The following ARHGAP26 variants were observed in gnomAD, a reference collection of about 807,000 sequenced individuals.
ARHGAP26 encodes Rho GTPase activating protein 26.
A neutral mutation model predicts 104.8 loss-of-function variants in ARHGAP26; 38 were observed. The observed-to-expected ratio is 0.36, with a 90% confidence interval of 0.28 to 0.48. The LOEUF (loss-of-function observed/expected upper bound fraction) is 0.48. ARHGAP26 is among the 20% of genes least tolerant of loss of function. The probability of loss-of-function intolerance (pLI) is 0.99; values close to 1 mark genes in which losing one functional copy is unlikely to be tolerated. For synonymous variants in ARHGAP26, 341 were observed against 340.0 expected, an observed-to-expected ratio of 1.00 and a Z score of -0.03; for missense variants, 704 against 947.9, an observed-to-expected ratio of 0.74 and a Z score of 3.38.
At chr5:143,006,106 G>A (rs76249035) in intron 11 of ARHGAP26, among the ~76,000 whole-genome samples, 2,685 of 152,278 alleles carry the variant, frequency 0.018, 39 homozygotes, top group Non-Finnish European at 0.025. Context: ...ATAGCCTTGA[G>A]TTAAGCCAAA....
intron 11 of ARHGAP26, among the ~76,000 whole-genome samples, chr5:142,999,672 C>T (rs1349061484): frequency 6.6e-6 from 1 of 151,874 alleles, no homozygotes; most frequent in African/African-American, 2.4e-5. Context: ...ACTATAAAGC[C>T]TTCAGAAGAA....
At chr5:142,951,989 T>C (rs1216727673) in intron 11 of ARHGAP26, among the ~76,000 whole-genome samples, 1 of 152,246 alleles carries the variant, frequency 6.6e-6, no homozygotes, top group Non-Finnish European at 1.5e-5. Context: ...TTCCAGTTTC[T>C]GGTTGCTCCA....
intron 20 of ARHGAP26, among the ~76,000 whole-genome samples, chr5:143,168,202 A>AT (rs1802272861): frequency 6.6e-6 from 1 of 152,156 alleles, no homozygotes; most frequent in African/African-American, 2.4e-5. Flanking sequence ...CTTTGAACAT[A>AT]TGCTTCTCAT....
At chr5:143,218,587 G>C (rs144507711) in intron 22 of ARHGAP26, among the ~76,000 whole-genome samples, 123 of 152,326 alleles carry the variant, frequency 8.1e-4, no homozygotes, top group African/African-American at 2.9e-3. Flanking sequence ...TGTACACAGG[G>C]ATGTATGGTG....
rs543228303 is a variant in ARHGAP26 at position 142,770,715 on chromosome 5, C to T, written c.-47C>T. 1.2e-3 allele frequency: 1,344 copies of T among 1,143,764 alleles called. 1 individual carries two copies. Among genetic ancestry groups the T allele is most frequent in the Non-Finnish European group, 1.3e-3 (1,178 of 926,664 alleles). The allele number at this position is 1,143,764 out of a possible 1,614,324, so 70.9% of individuals were successfully genotyped here. A position where few individuals can be genotyped will look rare whatever the true frequency, so the allele number is the denominator to read the frequency against. ...GTGAGTGCTCTGGGCGGCGGGCGGC[C>T]CGGGCCCCGGCGGAGGCGCGCCCCC... On this transcript the variant is annotated 5_prime_UTR_variant, in exon 1 of 23. Coordinates refer to ENST00000645722, the MANE Select transcript of ARHGAP26 (RefSeq NM_001135608.3).
At chr5:142,913,425 C>T (rs1314130476) in intron 10 of ARHGAP26, 132 bp downstream of exon 10, 1 of 732,902 alleles carries the variant, frequency 1.4e-6, no homozygotes, top group Non-Finnish European at 2.3e-6. Context: ...TCTCCCCCTG[C>T]CTCCTTCCTT....
At chr5:143,151,973 C>G (rs1301318880) in intron 20 of ARHGAP26, among the ~76,000 whole-genome samples, 1 of 152,082 alleles carries the variant, frequency 6.6e-6, no homozygotes, top group African/African-American at 2.4e-5. Context: ...AGAAATCAAT[C>G]TGAGAAGACT....
chr5:143,130,734 G>A (rs1797236813), intron 18 of ARHGAP26, among the ~76,000 whole-genome samples: 1 of 152,188 alleles, frequency 6.6e-6, no homozygotes, highest in South Asian at 2.1e-4. Context: ...CAGACAGTCA[G>A]CAGGCTTTAA....
At chr5:142,926,041 G>A (rs1007406030) in intron 10 of ARHGAP26, among the ~76,000 whole-genome samples, 2 of 152,170 alleles carry the variant, frequency 1.3e-5, no homozygotes, top group Non-Finnish European at 2.9e-5. Flanking sequence ...TAAGATTAGC[G>A]TAGGAAAGCT....
rs1053789118 is a variant in ARHGAP26 at position 143,226,567 on chromosome 5, C to G, written c.*4121C>G. On this transcript the variant is annotated 3_prime_UTR_variant, in exon 23 of 23. Transcript: ENST00000645722. ...TCCCTGCCCCCAGGCAAGTAAAACC[C>G]TGACTTGCTCAAGACAGAAGATCTT... The G allele has an allele frequency of 4.9e-6, 1 of 205,310 alleles. No individual in the cohort carries two copies. The highest frequency in any genetic ancestry group is 2.3e-5 in the African/African-American group (1 of 43,600). The allele number at this position is 205,310 out of a possible 1,614,324, so 12.7% of individuals were successfully genotyped here.
chr5:143,146,472 T>C (rs1266620229), intron 19 of ARHGAP26, among the ~76,000 whole-genome samples: 1 of 152,226 alleles, frequency 6.6e-6, no homozygotes, highest in East Asian at 1.9e-4. Flanking sequence ...TGAGGCCACA[T>C]AGCCAGTCAG....
intron 1 of ARHGAP26, among the ~76,000 whole-genome samples, chr5:142,774,447 A>C (rs1033742480): frequency 1.2e-4 from 18 of 151,060 alleles, no homozygotes; most frequent in African/African-American, 4.4e-4. Context: ...TTTTAGATTC[A>C]CAGAAAAATT....
rs536455238 is a variant in ARHGAP26, at chr5:142,905,343, CT to C, written c.832+1680del. Among the ~76,000 whole-genome samples, 25 of 152,138 alleles carry C rather than the reference CT, an allele frequency of 1.6e-4. 1 individual carries two copies. The highest frequency in any genetic ancestry group is 1.4e-4 in the African/African-American group (6 of 41,424). On this transcript the variant is annotated intron_variant, in intron 8 of 22. Transcript: ENST00000645722. The stretch of plus-strand genomic sequence containing the variant: ...TAGTGTGTTGATTATCATGAGGACA[CT>C]TTTTTGTTCCCTAACACAGTCCAGA...
intron 10 of ARHGAP26, among the ~76,000 whole-genome samples, chr5:142,930,808 A>G (rs1356053478): frequency 6.6e-6 from 1 of 152,172 alleles, no homozygotes; most frequent in Non-Finnish European, 1.5e-5. Context: ...GAAAAGAATC[A>G]AATGTGACTT....
Position 143,012,577 on chromosome 5 carries a change from T to TATATATATATATATATATATAAA in ARHGAP26, c.1108-1501_1108-1500insATATATATATATATATATAAAAT, listed in dbSNP as rs1554195775. Among the ~76,000 whole-genome samples, 34 of 19,082 alleles carry TATATATATATATATATATATAAA rather than the reference T, an allele frequency of 1.8e-3. 1 individual carries two copies. The highest frequency in any genetic ancestry group is 0.015 in the East Asian group (20 of 1,294). The allele number at this position is 19,082 out of a possible 152,430, so 12.5% of individuals were successfully genotyped here. A position where few individuals can be genotyped will look rare whatever the true frequency, so the allele number is the denominator to read the frequency against. On this transcript the variant is annotated intron_variant, in intron 11 of 22. Coordinates refer to ENST00000645722, the MANE Select transcript of ARHGAP26 (RefSeq NM_001135608.3). ...CATATATATATATATATATATATAT[T>TATATATATATATATATATATAAA]ATGATCAGGTTCACCTTATGCCTTT...
chr5:142,778,998 A>G (rs184424611), intron 1 of ARHGAP26, among the ~76,000 whole-genome samples: 261 of 151,770 alleles, frequency 1.7e-3, no homozygotes, highest in African/African-American at 5.9e-3. Context: ...AGAGATGACA[A>G]TTAATTGGAT....
At chr5:143,051,474 C>T (rs957706341) in intron 14 of ARHGAP26, among the ~76,000 whole-genome samples, 17 of 152,238 alleles carry the variant, frequency 1.1e-4, no homozygotes, top group African/African-American at 4.1e-4. Context: ...GAGAAGTGTA[C>T]TGAGTTCTAA....
chr5:142,960,491 A>G (rs1270833827), intron 11 of ARHGAP26, among the ~76,000 whole-genome samples: 1 of 152,262 alleles, frequency 6.6e-6, no homozygotes, highest in East Asian at 1.9e-4. Flanking sequence ...CCCTTTGTCC[A>G]GTGCTGTCTA....
At chr5:142,894,624 G>A (rs553436314) in intron 6 of ARHGAP26, among the ~76,000 whole-genome samples, 1 of 152,208 alleles carries the variant, frequency 6.6e-6, no homozygotes, top group African/African-American at 2.4e-5. Flanking sequence ...GGTGGACAGA[G>A]TGGAAATGGG....
Sources: gnomAD v4.1 joint callset for allele counts (sites outside exome capture counted in the v4.1 genomes callset) on GRCh38, gnomAD v4.1.1 for gene constraint, MANE v1.5 for transcripts, NCBI Gene and HGNC (gene_info 2026-07-23, HGNC 2026-07-21) for gene names.